Variants in PLEKHH2 observed in about 807,000 individuals in gnomAD.
The protein encoded by PLEKHH2 is pleckstrin homology domain-containing family H member 2.
In PLEKHH2, 129 loss-of-function variants were observed where a neutral mutation model predicts 187.9. The ratio of observed to expected loss-of-function variants is 0.69; its 90% CI spans 0.59 to 0.79. The LOEUF is 0.79. Ranked by LOEUF, PLEKHH2 falls within the 30% of genes least tolerant of loss-of-function variation. The pLI, the probability that PLEKHH2 is intolerant of heterozygous loss-of-function variation, is 0.00. For missense variants in PLEKHH2, 2,076 were observed against 1,751.2 expected (o/e 1.19, Z -3.31); for synonymous variants, 686 against 605.6 (o/e 1.13, Z -1.95).
chr2:43,637,627 C>G (rs1439533167), intron 1 of PLEKHH2, among the ~76,000 whole-genome samples: 1 of 152,140 alleles, frequency 6.6e-6, no homozygotes, highest in Non-Finnish European at 1.5e-5. Context: ...GGGCGGTGGC[C>G]GGCGGTCCCT....
intron 27 of PLEKHH2, among the ~76,000 whole-genome samples, chr2:43,760,359 C>CTTTTTTTTTTTTTTTTTTTTTT (rs763777313): frequency 2.5e-5 from 3 of 119,076 alleles, no homozygotes; most frequent in Non-Finnish European, 1.7e-5. Context: ...ACCCTTTAAC[C>CTTTTTTTTTTTTTTTTTTTTTT]TTTTTTTTTT....
intron 1 of PLEKHH2, among the ~76,000 whole-genome samples, chr2:43,638,285 A>T (rs1703213095): frequency 6.9e-6 from 1 of 143,948 alleles, no homozygotes; most frequent in Non-Finnish European, 1.6e-5. Context: ...ACACACACAC[A>T]CACTCACACA....
chr2:43,726,175 A>T, intron 16 of PLEKHH2, 97 bp from the exon 17 acceptor site: 4 of 828,058 alleles, frequency 4.8e-6, no homozygotes, highest in African/African-American at 3.5e-5. Flanking sequence ...TTTTAAAGGT[A>T]TGCTTTATAA....
chr2:43,721,663 A>G (rs1670487219), intron 16 of PLEKHH2, among the ~76,000 whole-genome samples: 1 of 152,126 alleles, frequency 6.6e-6, no homozygotes, highest in Non-Finnish European at 1.5e-5. Context: ...AGGTGGGAGG[A>G]TCGTTTGAGC....
intron 29 of PLEKHH2, 83 bp downstream of exon 29, chr2:43,764,448 T>C (rs1672549132): frequency 2.5e-5 from 35 of 1,395,404 alleles, no homozygotes; most frequent in Admixed American, 6.3e-5. Flanking sequence ...GCAATGCTAA[T>C]TGTTTTCATA....
rs773414635 is a variant in PLEKHH2 at position 43,765,504 on chromosome 2, T to C, written c.4388T>C (p.Leu1463Pro). The C allele has an allele frequency of 1.9e-6, 3 of 1,614,114 alleles. No individual in the cohort carries two copies. Among genetic ancestry groups the C allele is most frequent in the Non-Finnish European group, 2.5e-6 (3 of 1,180,016 alleles). The stretch of plus-strand genomic sequence containing the variant: ...CACCACCTCTCTGCTCCAGCACTGC[T>C]CTCAGCCCAGACCCGGGGACCCCAA... The part of the protein sequence containing the change: ...AFHHLSAPAL[L>P]SAQTRGPQAR... Residue 1463 changes from leucine to proline, a missense_variant, in exon 30 of 30, where the codon CTC (leucine) becomes CCC (proline). Transcript: ENST00000282406.
intron 12 of PLEKHH2, 31 bp from the exon 13 acceptor site, chr2:43,710,189 A>G (rs766202108): frequency 1.7e-5 from 28 of 1,611,098 alleles, no homozygotes; most frequent in Non-Finnish European, 2.2e-5. Context: ...AAGGAAACTG[A>G]AAATGCTTTT....
chr2:43,711,748 C>G (rs1669977005), intron 14 of PLEKHH2: 2 of 404,686 alleles, frequency 4.9e-6, no homozygotes, highest in Non-Finnish European at 6.7e-6. Context: ...AAAAAATTAT[C>G]CGGGCATGGT....
intron 3 of PLEKHH2, among the ~76,000 whole-genome samples, chr2:43,682,939 T>TATACACACAC (rs1553336233): frequency 5.5e-4 from 82 of 149,852 alleles, no homozygotes; most frequent in African/African-American, 1.8e-3. Flanking sequence ...GTTCCATATA[T>TATACACACAC]ACACACACAC....
At chr2:43,739,328 C>G (rs138905969) in intron 20 of PLEKHH2, among the ~76,000 whole-genome samples, 3 of 152,178 alleles carry the variant, frequency 2.0e-5, no homozygotes, top group African/African-American at 7.2e-5. Flanking sequence ...ACTCAGGATG[C>G]GTTTCTTTAT....
intron 29 of PLEKHH2, 71 bp downstream of exon 29, chr2:43,764,436 A>AAACAATT: frequency 6.9e-7 from 1 of 1,458,212 alleles, no homozygotes; most frequent in East Asian, 2.4e-5. Flanking sequence ...GAAGGCCAAA[A>AAACAATT]AGCAATGCTA....
chr2:43,750,078 A>G (rs1287917295), intron 24 of PLEKHH2, among the ~76,000 whole-genome samples: 1 of 152,220 alleles, frequency 6.6e-6, no homozygotes, highest in Non-Finnish European at 1.5e-5. Flanking sequence ...CATGTTTTTA[A>G]CAAAAGAAAA....
intron 3 of PLEKHH2, chr2:43,679,437 A>G (rs1039629074): frequency 4.4e-5 from 14 of 317,172 alleles, no homozygotes; most frequent in African/African-American, 2.3e-4. Context: ...AAACACCCCA[A>G]AATTTTAACA....
At chr2:43,735,989 G>A (rs1671271177) in intron 19 of PLEKHH2, among the ~76,000 whole-genome samples, 1 of 151,956 alleles carries the variant, frequency 6.6e-6, no homozygotes, top group South Asian at 2.1e-4. Flanking sequence ...ACTAAAGTGA[G>A]AAAAAGACAA....
At chr2:43,754,205 C>CACACACA (rs1553353833) in intron 25 of PLEKHH2, among the ~76,000 whole-genome samples, 3 of 143,180 alleles carry the variant, frequency 2.1e-5, no homozygotes, top group Middle Eastern at 3.5e-3. Flanking sequence ...CACACACACA[C>CACACACA]AAAATTAATA....
At chr2:43,675,930 A>C in intron 2 of PLEKHH2, 1 of 1,614,044 alleles carries the variant, frequency 6.2e-7, no homozygotes, top group Non-Finnish European at 8.5e-7. Flanking sequence ...AGTTGTCACC[A>C]TACTTTTCAA....
intron 28 of PLEKHH2, 44 bp downstream of exon 28, chr2:43,762,434 A>G (rs771186550): frequency 2.1e-6 from 3 of 1,402,426 alleles, no homozygotes; most frequent in South Asian, 1.2e-5. Flanking sequence ...AACTGTTTCC[A>G]TTGCTCAGTG....
At chr2:43,755,298 C>T (rs866222855) in intron 25 of PLEKHH2, among the ~76,000 whole-genome samples, 3 of 152,272 alleles carry the variant, frequency 2.0e-5, no homozygotes, top group Admixed American at 6.5e-5. Flanking sequence ...ATTATCATGA[C>T]TCTTCCCTCA....
Position 43,720,762 on chromosome 2 carries a change from T to C in PLEKHH2, c.2541+13T>C. 1 of 1,593,418 alleles carries C rather than the reference T, an allele frequency of 6.3e-7. No homozygotes were observed. The highest frequency in any genetic ancestry group is 8.5e-7 in the Non-Finnish European group (1 of 1,174,014). On this transcript the variant is annotated intron_variant, in intron 16 of 29. Coordinates refer to ENST00000282406, the MANE Select transcript of PLEKHH2 (RefSeq NM_172069.4). ...TCAAGAAGATAAGGTATGTATGTAT[T>C]TTTAATATGCCAATTGAAGTAACTT...
Sources: gnomAD v4.1 joint callset for allele counts (sites outside exome capture counted in the v4.1 genomes callset) on GRCh38, gnomAD v4.1.1 for gene constraint, MANE v1.5 for transcripts, NCBI Gene and HGNC (gene_info 2026-07-23, HGNC 2026-07-21) for gene names.